Variants in MTMR11 observed in about 807,000 individuals in gnomAD.
MTMR11 encodes the protein myotubularin related protein 11.
MTMR11 carries 89 observed loss-of-function variants against 100.0 expected under a neutral mutation model. The observed-to-expected ratio is 0.89, with a 90% CI of 0.75 to 1.06. The LOEUF is 1.06. Ranked by LOEUF, MTMR11 falls within the 50% of genes least tolerant of loss-of-function variation. The probability of loss-of-function intolerance (pLI) is 0.00; values close to 1 mark genes in which losing one functional copy is unlikely to be tolerated. For synonymous variants in MTMR11, 336 were observed against 326.3 expected (o/e 1.03, Z -0.32); for missense variants, 809 against 873.7 (o/e 0.93, Z 0.93).
chr1:149,928,675 G>A lies in MTMR11; in HGVS notation c.*454C>T, dbSNP rs922649900. The A allele has an allele frequency of 3.3e-6, 2 of 609,792 alleles. No homozygotes were observed. The highest frequency in any genetic ancestry group is 5.8e-6 in the Non-Finnish European group (2 of 345,390). The allele number at this position is 609,792 out of a possible 1,614,324, so 37.8% of individuals were successfully genotyped here. On this transcript the variant is annotated 3_prime_UTR_variant, in exon 17 of 17. Coordinates refer to ENST00000439741, the MANE Select transcript of MTMR11 (RefSeq NM_001145862.2). ...ATGTGTATAAATACTATGCTTTAAT[G>A]AGCCCCTTAAATAGAAATTCCACTA...
At position 149,929,918 on chromosome 1, in the gene MTMR11, TA is replaced by T; in HGVS notation, c.1648-3del. ...GGGTCCAGGAACCATGAAGCTTGGC[TA>T]AAAGGAAAAGAAAATCAACTGGCAA... On this transcript the variant is annotated splice_region_variant and splice_polypyrimidine_tract_variant and intron_variant, in intron 15 of 16. Coordinates refer to ENST00000439741, the MANE Select transcript of MTMR11 (RefSeq NM_001145862.2). The T allele has an allele frequency of 6.2e-7, 1 of 1,603,370 alleles. No individual in the cohort carries two copies.
intron 12 of MTMR11, 97 bp from the exon 13 acceptor site, chr1:149,931,523 G>C: frequency 8.5e-7 from 1 of 1,169,672 alleles, no homozygotes; most frequent in Non-Finnish European, 1.2e-6. Flanking sequence ...GAAGTGAGAG[G>C]CACAGAGGGG....
At chr1:149,933,004 G>A (rs981339772) in intron 10 of MTMR11, among the ~76,000 whole-genome samples, 9 of 150,394 alleles carry the variant, frequency 6.0e-5, no homozygotes, top group Non-Finnish European at 1.0e-4. Flanking sequence ...GCCCAGGCTG[G>A]AATGCAATGG....
intron 1 of MTMR11, 96 bp from the exon 2 acceptor site, chr1:149,936,325 C>T (rs781893934): frequency 9.1e-5 from 141 of 1,550,250 alleles, no homozygotes; most frequent in Non-Finnish European, 1.1e-4. Flanking sequence ...CTCACACTCT[C>T]GGGGGAAACT....
At chr1:149,929,581 T>C (rs1472698604) in intron 16 of MTMR11, 42 bp downstream of exon 16, 7 of 1,571,218 alleles carry the variant, frequency 4.5e-6, no homozygotes, top group Non-Finnish European at 6.0e-6. Flanking sequence ...TTCAGCAGAG[T>C]CAAGTCCCTT....
At chr1:149,936,306 A>G in intron 1 of MTMR11, 77 bp from the exon 2 acceptor site, 3 of 1,589,402 alleles carry the variant, frequency 1.9e-6, no homozygotes, top group Non-Finnish European at 2.6e-6. Flanking sequence ...CTGCCTGTAG[A>G]GGCCTACACT....
chr1:149,929,282 C>G lies in MTMR11; in HGVS notation c.1977G>C (p.Gln659His). The G allele has an allele frequency of 6.2e-7, 1 of 1,614,140 alleles. No individual in the cohort carries two copies. Among genetic ancestry groups the G allele is most frequent in the Non-Finnish European group, 8.5e-7 (1 of 1,180,004 alleles). Reference sequence around the variant, plus strand: ...ACTCCTGAAGATGGGATAGCTCATCCTGGAGGCCAGAGATTGTGGGAGCTG... The same window carrying G: ...ACTCCTGAAGATGGGATAGCTCATCGTGGAGGCCAGAGATTGTGGGAGCTG... ...GLSAPTISGL[Q>H]DELSHLQELL... Residue 659 changes from glutamine (Q) to histidine (H), a missense_variant, in exon 17 of 17, where the codon CAG (glutamine) becomes CAC (histidine). Coordinates refer to ENST00000439741, the MANE Select transcript of MTMR11 (RefSeq NM_001145862.2).
chr1:149,930,289 G>A, intron 15 of MTMR11, 76 bp downstream of exon 15: 1 of 1,417,938 alleles, frequency 7.1e-7, no homozygotes, highest in Non-Finnish European at 9.7e-7. Flanking sequence ...AAGACATTTT[G>A]TCTTTCACTT....
In MTMR11 at chr1:149,932,480, A is replaced by G. The variant is rs1360065589; in HGVS notation, c.986-150T>C. 3.3e-5 allele frequency: 22 copies of G among 661,290 alleles called. No individual in the cohort carries two copies. The African/African-American group carries it at 3.8e-4, about 11-fold the overall frequency. 41.0% of individuals were successfully genotyped at this position (661,290 alleles called of 1,614,324 possible). A position where few individuals can be genotyped will look rare whatever the true frequency, so the allele number is the denominator to read the frequency against. The stretch of plus-strand genomic sequence containing the variant: ...AAAATTAAACTGTGGTGATGGTTGT[A>G]CAACATTGTAAATATAATAAAACTC... On this transcript the variant is annotated intron_variant, in intron 10 of 16. Transcript: ENST00000439741.
At position 149,931,367 on chromosome 1, in the gene MTMR11, G is replaced by A; in HGVS notation, c.1183C>T (p.Pro395Ser). The A allele has an allele frequency of 6.2e-7, 1 of 1,613,850 alleles. No homozygotes were observed. The highest frequency in any genetic ancestry group is 8.5e-7 in the Non-Finnish European group (1 of 1,179,920). Residue 395 changes from proline to serine, a missense_variant, in exon 13 of 17, where the codon CCC becomes TCC. Transcript: ENST00000439741. ...AAGCCAAACAGTGTTCGGGCTTCGG[G>A]GGCTGAAAGCAGCTGGACGAGTGAA... ...LSSLVQLLSA[P>S]EARTLFGFQS...
In MTMR11 at chr1:149,929,214, G is replaced by C. The variant is rs200731914; in HGVS notation, c.2045C>G (p.Ser682Cys). The change falls in exon 17 of 17, where the codon TCC becomes TGC. Residue 682 changes from serine to cysteine, a missense_variant. Physicochemically the swap from Ser to Cys is moderately radical, Grantham distance 112. Coordinates refer to ENST00000439741, the MANE Select transcript of MTMR11 (RefSeq NM_001145862.2). ...AATGGTATGTGGATCTCTTTTCTTG[G>C]AGTGATCCTCAGGAGATATTCTTGG... ...WTPRISPEDHSKKRDPHTILN... is the reference protein window; with the variant it reads ...WTPRISPEDHCKKRDPHTILN... 4 of 1,614,042 alleles carry C rather than the reference G, an allele frequency of 2.5e-6. No homozygotes were observed. Among genetic ancestry groups the C allele is most frequent in the Non-Finnish European group, 3.4e-6 (4 of 1,179,986 alleles).
rs2092719497 is a variant in MTMR11, at chr1:149,936,140, T to C, written c.142+14A>G. The stretch of plus-strand genomic sequence containing the variant: ...AAATTTGGAAGTCTTTGGAGAGTGA[T>C]AGGGCATTATTACCTGGGAGGCATC... On this transcript the variant is annotated intron_variant, in intron 2 of 16. Transcript: ENST00000439741. The C allele has an allele frequency of 2.5e-6, 4 of 1,609,068 alleles. No individual in the cohort carries two copies. The highest frequency in any genetic ancestry group is 1.3e-5 in the African/African-American group (1 of 74,728).
chr1:149,931,822 G>T lies in MTMR11; in HGVS notation c.1123+122C>A. ...GCACTGAAGGATGAGAGTAGAGCTC[G>T]CAGGTAGTTCCCAGGAACAGGAGAG... On this transcript the variant is annotated intron_variant, in intron 12 of 16. Transcript: ENST00000439741. 1.4e-5 allele frequency: 12 copies of T among 832,058 alleles called. No individual in the cohort carries two copies. The South Asian group carries it at 1.6e-4, about 11-fold the overall frequency. The allele number at this position is 832,058 out of a possible 1,614,324, so 51.5% of individuals were successfully genotyped here.
chr1:149,929,585 G>C (rs782219043), intron 16 of MTMR11, 38 bp downstream of exon 16: 5 of 1,576,034 alleles, frequency 3.2e-6, no homozygotes, highest in Admixed American at 1.8e-5. Flanking sequence ...GCAGAGTCAA[G>C]TCCCTTGTCC....
At chr1:149,931,526 CAG>C in intron 12 of MTMR11, 100 bp from the exon 13 acceptor site, 3 of 1,163,794 alleles carry the variant, frequency 2.6e-6, no homozygotes, top group South Asian at 1.6e-5. Flanking sequence ...GTGAGAGGCA[CAG>C]AGGGGAAAGG....
At position 149,930,792 on chromosome 1, in the gene MTMR11, C is replaced by A. The variant is rs1553767359; in HGVS notation, c.1464G>T (p.Gln488His). Residue 488 changes from glutamine (Q) to histidine (H), a missense_variant and splice_region_variant, in exon 14 of 17, where the codon CAG (glutamine) becomes CAT (histidine). Physicochemically the swap from Gln to His is conservative, Grantham distance 24. Transcript: ENST00000439741. ...TPWERGKQSG[Q>H]LNSYTQVYTP... ...CGAGTCAAAAATAGAAGTCACTGACCTGTCCGCTCTGCTTTCCGCGCTCCC... is the reference window on the plus strand; with the variant it reads ...CGAGTCAAAAATAGAAGTCACTGACATGTCCGCTCTGCTTTCCGCGCTCCC... 1.3e-6 allele frequency: 2 copies of A among 1,558,518 alleles called. No individual in the cohort carries two copies. Among genetic ancestry groups the A allele is most frequent in the Non-Finnish European group, 1.7e-6 (2 of 1,157,686 alleles).
intron 10 of MTMR11, 98 bp from the exon 11 acceptor site, chr1:149,932,428 T>C: frequency 1.1e-6 from 1 of 910,698 alleles, no homozygotes; most frequent in Non-Finnish European, 1.8e-6. Context: ...GAATGAAAAG[T>C]AATTGTAAAT....
intron 5 of MTMR11, 149 bp downstream of exon 5, chr1:149,934,837 T>A (rs1398827763): frequency 1.1e-5 from 11 of 1,030,008 alleles, no homozygotes; most frequent in Admixed American, 2.9e-5. Flanking sequence ...CATCACGCAA[T>A]CATTTATCCC....
rs782193290 is a variant in MTMR11 at position 149,933,543 on chromosome 1, G to A, written c.861-13C>T. On this transcript the variant is annotated splice_polypyrimidine_tract_variant and intron_variant, in intron 9 of 16. Coordinates refer to ENST00000439741, the MANE Select transcript of MTMR11 (RefSeq NM_001145862.2). ...CAACTCCACTGCTCTGGAGGGGAGG[G>A]AGTCAGGAAATAAGGAGTCTACCCT... The A allele has an allele frequency of 2.5e-6, 4 of 1,613,970 alleles. No individual in the cohort carries two copies. The South Asian group carries it at 3.3e-5, about 13-fold the overall frequency.
Sources: allele counts gnomAD v4.1 joint callset (sites outside exome capture counted in the v4.1 genomes callset), GRCh38; gene constraint gnomAD v4.1.1; transcripts MANE v1.5; gene names NCBI Gene and HGNC (gene_info 2026-07-23, HGNC 2026-07-21).